UBXN11: variants seen among roughly 807,000 people sequenced by gnomAD.
UBXN11 encodes UBX domain protein 11, also known as UBX domain-containing protein 11.
Under a neutral mutation model 62.8 loss-of-function variants are expected in UBXN11, and 47 were observed. The observed-to-expected ratio is 0.75, with a 90% CI of 0.59 to 0.95. The LOEUF (loss-of-function observed/expected upper bound fraction) is 0.95, where lower values mean the gene tolerates loss of function less well. Ranked by LOEUF, UBXN11 falls within the 40% of genes least tolerant of loss-of-function variation. The pLI, the probability that UBXN11 is intolerant of heterozygous loss-of-function variation, is 0.00. For synonymous variants in UBXN11, 294 were observed against 267.0 expected, an observed-to-expected ratio of 1.10 and a Z score of -0.99; for missense variants, 638 against 661.7, an observed-to-expected ratio of 0.96 and a Z score of 0.39.
rs991140798 is a variant in UBXN11, at chr1:26,286,941, C to T, written c.560-904G>A. On this transcript the variant is annotated intron_variant, in intron 8 of 14. Transcript: ENST00000374222. ...CTCGAACTCCTGACCTCAGGTGATCCGCCCGCCTTGGCATCCCAAAGTGCT... is the reference window on the plus strand; with the variant it reads ...CTCGAACTCCTGACCTCAGGTGATCTGCCCGCCTTGGCATCCCAAAGTGCT... Among the ~76,000 whole-genome samples, 12 of 152,110 alleles carry T rather than the reference C, an allele frequency of 7.9e-5. No homozygotes were observed. The East Asian group carries it at 1.9e-3, about 24-fold the overall frequency.
rs200432041 is a variant in UBXN11, at chr1:26,285,984, G to C, written c.613C>G (p.Gln205Glu). 1 of 1,612,616 alleles carries C rather than the reference G, an allele frequency of 6.2e-7. No homozygotes were observed. The highest frequency in any genetic ancestry group is 8.5e-7 in the Non-Finnish European group (1 of 1,179,116). ...TCTACCACCAGCTCACTAAGATCCT[G>C]CAGGCTGGCCAGCAGCCTGTCAAAG... is the stretch of plus-strand genomic sequence containing the variant. Reference protein sequence around the residue: ...VDFDRLLASLQDLSELVVEGD... With the variant: ...VDFDRLLASLEDLSELVVEGD... Residue 205 changes from glutamine to glutamate, a missense_variant, in exon 9 of 15, where the codon CAG becomes GAG. By Grantham distance (29) the Gln-to-Glu change is conservative. Coordinates refer to ENST00000374222, the MANE Select transcript of UBXN11 (RefSeq NM_001389556.1).
At chr1:26,303,398 G>A (rs1570131742) in intron 1 of UBXN11, among the ~76,000 whole-genome samples, 1 of 152,164 alleles carries the variant, frequency 6.6e-6, no homozygotes, top group East Asian at 1.9e-4. Context: ...GCCGAGGTGG[G>A]TGGATCGCCT....
At position 26,294,193 on chromosome 1, in the gene UBXN11, G is replaced by A. The variant is rs377704416; in HGVS notation, c.559+12C>T. The A allele has an allele frequency of 1.4e-5, 23 of 1,613,534 alleles. No individual in the cohort carries two copies. Among genetic ancestry groups the A allele is most frequent in the East Asian group, 4.5e-5 (2 of 44,834 alleles). On this transcript the variant is annotated intron_variant, in intron 8 of 14. Coordinates refer to ENST00000374222, the MANE Select transcript of UBXN11 (RefSeq NM_001389556.1). ...CTTTTGAAGAGGGCCTGGGGCAGAC[G>A]CCCTGCTCTACCTGGCTTCCAGAAC...
At chr1:26,297,775 C>A (rs557242498) in intron 5 of UBXN11, among the ~76,000 whole-genome samples, 187 bp downstream of exon 5, 2 of 152,316 alleles carry the variant, frequency 1.3e-5, no homozygotes, top group South Asian at 4.1e-4. Context: ...AGGGGAAGAC[C>A]CCCCAGCCTC....
At chr1:26,294,910 T>C (rs139047042) in intron 7 of UBXN11, among the ~76,000 whole-genome samples, 329 of 152,302 alleles carry the variant, frequency 2.2e-3, no homozygotes, top group South Asian at 4.6e-3. Flanking sequence ...TTTCTGTCTA[T>C]CTTTCACCAT....
At chr1:26,301,098 A>T in intron 3 of UBXN11, 74 bp from the exon 4 acceptor site, 2 of 1,609,572 alleles carry the variant, frequency 1.2e-6, no homozygotes, top group Non-Finnish European at 1.7e-6. Context: ...GGCCCTCGCC[A>T]GTGTGACGCG....
chr1:26,313,966 G>A (rs965070713), intron 1 of UBXN11, among the ~76,000 whole-genome samples: 1 of 151,848 alleles, frequency 6.6e-6, no homozygotes, highest in Non-Finnish European at 1.5e-5. Flanking sequence ...ATTTTTAGTA[G>A]AGATGGGGTT....
chr1:26,309,609 A>C (rs1255347553), upstream of UBXN11, among the ~76,000 whole-genome samples: 1 of 152,096 alleles, frequency 6.6e-6, no homozygotes, highest in African/African-American at 2.4e-5. Flanking sequence ...ATACAATTTC[A>C]CTGGAGAAAC....
chr1:26,285,228 C>G lies in UBXN11; in HGVS notation c.852+236G>C, dbSNP rs2073099411. ...CTGGGGAGGACTAGAAGGCAGGGGC[C>G]CCGCAGCCGAGGCTGTCTCCAGGGT... is the stretch of plus-strand genomic sequence containing the variant. On this transcript the variant is annotated intron_variant, in intron 10 of 14. Coordinates refer to ENST00000374222, the MANE Select transcript of UBXN11 (RefSeq NM_001389556.1). 2.3e-6 allele frequency: 3 copies of G among 1,311,564 alleles called. No homozygotes were observed. The East Asian group carries it at 9.6e-5, about 42-fold the overall frequency. The allele number at this position is 1,311,564 out of a possible 1,614,324, so 81.2% of individuals were successfully genotyped here.
rs551591220 is a variant in UBXN11, at chr1:26,285,914, C to T, written c.683G>A (p.Arg228His). 23 of 1,613,636 alleles carry T rather than the reference C, an allele frequency of 1.4e-5. No homozygotes were observed. Among genetic ancestry groups the T allele is most frequent in the African/African-American group, 2.7e-5 (2 of 75,020 alleles). ...CTTCAGCGGGATGGGCTCGAGGGTACGCAGCCGTGCCCCGCCGGGCACTGG... is the reference window on the plus strand; with the variant it reads ...CTTCAGCGGGATGGGCTCGAGGGTATGCAGCCGTGCCCCGCCGGGCACTGG... ...VTPVPGGARL[R>H]TLEPIPLKLY... is the part of the protein sequence containing the mutation. Residue 228 changes from arginine to histidine, a missense_variant, in exon 9 of 15, where the codon CGT becomes CAT. Transcript: ENST00000374222.
intron 7 of UBXN11, among the ~76,000 whole-genome samples, chr1:26,296,280 G>A (rs757669601): frequency 5.9e-5 from 9 of 152,210 alleles, no homozygotes; most frequent in Non-Finnish European, 1.3e-4. Flanking sequence ...GCAGCAAATT[G>A]CTTAACCAAT....
intron 4 of UBXN11, among the ~76,000 whole-genome samples, chr1:26,300,565 C>G (rs2073506220): frequency 1.3e-5 from 2 of 152,186 alleles, no homozygotes; most frequent in Admixed American, 6.5e-5. Flanking sequence ...CCAAGCTAAG[C>G]AGACTGTCTA....
chr1:26,289,327 C>T (rs926759180), intron 8 of UBXN11, among the ~76,000 whole-genome samples: 2 of 152,128 alleles, frequency 1.3e-5, no homozygotes, highest in Non-Finnish European at 2.9e-5. Context: ...TGGGCTCAAG[C>T]TGTGCCCACT....
At chr1:26,296,875 G>C (rs778826718) in intron 7 of UBXN11, 44 bp downstream of exon 7, 19 of 1,563,192 alleles carry the variant, frequency 1.2e-5, no homozygotes, top group Non-Finnish European at 1.7e-5. Flanking sequence ...TGAAGAGCTG[G>C]GGACTGCTGG....
Position 26,284,443 on chromosome 1 carries a change from G to A in UBXN11, c.892C>T (p.Leu298=). 1 of 1,613,678 alleles carries A rather than the reference G, an allele frequency of 6.2e-7. No homozygotes were observed. Among genetic ancestry groups the A allele is most frequent in the South Asian group, 1.1e-5 (1 of 91,018 alleles). The change falls in exon 11 of 15, where the codon CTG becomes TTG. Residue 298 remains leucine (L), a synonymous_variant. Coordinates refer to ENST00000374222, the MANE Select transcript of UBXN11 (RefSeq NM_001389556.1). ...LRNQVYLEDG[L]DPFPGEGRVV... The stretch of plus-strand genomic sequence containing the variant: ...CGGCCCTCGCCTGGGAAGGGGTCCA[G>A]TCCATCCTCCAGGTAGACCTGATTG...
At chr1:26,308,225 C>T (rs2073702130), upstream of UBXN11, among the ~76,000 whole-genome samples, 1 of 148,792 alleles carries the variant, frequency 6.7e-6, no homozygotes. Context: ...TGAGATCGCA[C>T]CATTGCACTC....
intron 1 of UBXN11, among the ~76,000 whole-genome samples, chr1:26,304,091 C>T (rs1315416214): frequency 6.6e-6 from 1 of 152,178 alleles, no homozygotes; most frequent in Non-Finnish European, 1.5e-5. Flanking sequence ...CCAAGAAGTT[C>T]CACTTTGAAG....
upstream of UBXN11, among the ~76,000 whole-genome samples, chr1:26,307,644 T>TAA (rs397938275): frequency 9.4e-6 from 1 of 106,774 alleles, no homozygotes; most frequent in Admixed American, 9.4e-5. Context: ...TTTTTTTTTT[T>TAA]AATTTTCCGT....
chr1:26,318,324 C>T, exon 1 of UBXN11: 1 of 478,298 alleles, frequency 2.1e-6, no homozygotes, highest in Non-Finnish European at 3.8e-6. Flanking sequence ...TTACAGGGTG[C>T]TAGGCGCGTT....
Sources: gnomAD v4.1 joint callset for allele counts (sites outside exome capture counted in the v4.1 genomes callset) on GRCh38, gnomAD v4.1.1 for gene constraint, MANE v1.5 for transcripts, NCBI Gene and HGNC (gene_info 2026-07-23, HGNC 2026-07-21) for gene names.